The following NLRP1 variants were observed in gnomAD, a reference collection of about 807,000 sequenced individuals.
The protein encoded by NLRP1 is NACHT, LRR and PYD domains-containing protein 1.
NLRP1 carries 94 observed loss-of-function variants against 136.7 expected under a neutral mutation model. That is an observed-to-expected ratio of 0.69 (90% CI 0.58 to 0.82). The LOEUF is 0.82. Ranked by LOEUF, NLRP1 falls within the 40% of genes least tolerant of loss-of-function variation. The pLI is 0.00. For missense variants in NLRP1, 1,575 were observed against 1,802.7 expected (o/e 0.87, Z 2.29); for synonymous variants, 690 against 725.1 (o/e 0.95, Z 0.78).
chr17:5,542,176 G>A, intron 5 of NLRP1, 149 bp from the exon 6 acceptor site: 1 of 657,104 alleles, frequency 1.5e-6, no homozygotes, highest in South Asian at 2.0e-5. Context: ...AAATGCACAT[G>A]GTACTTGGGG....
chr17:5,536,289 C>A (rs1302518974), intron 8 of NLRP1, among the ~76,000 whole-genome samples: 1 of 151,964 alleles, frequency 6.6e-6, no homozygotes, highest in Non-Finnish European at 1.5e-5. Context: ...GCTGAGACTA[C>A]AGGCGTGCGT....
At chr17:5,564,646 C>CA (rs1204291833) in intron 3 of NLRP1, among the ~76,000 whole-genome samples, 1 of 150,760 alleles carries the variant, frequency 6.6e-6, no homozygotes, top group Non-Finnish European at 1.5e-5. Flanking sequence ...AGTGCTGCCA[C>CA]AAACATAGAA....
intron 3 of NLRP1, among the ~76,000 whole-genome samples, chr17:5,570,664 A>C (rs893463292): frequency 7.9e-5 from 12 of 152,132 alleles, no homozygotes; most frequent in Admixed American, 7.9e-4. Flanking sequence ...CCAGACACAT[A>C]AAGAAGAGCT....
Position 5,553,497 on chromosome 17 carries a change from A to C in NLRP1, c.2417T>G (p.Val806Gly). ...YWQILFSVLK[V>G]TRNLKELDLS... ...GTCCAGCTCCTTCAGGTTTCTGGTG[A>C]CCTTGAGGACGGAGAAGAGAATCTG... The change falls in exon 5 of 17, where the codon GTC becomes GGC. Residue 806 changes from valine (V) to glycine (G), a missense_variant. Physicochemically the swap from Val to Gly is moderately radical, Grantham distance 109. Coordinates refer to ENST00000572272, the MANE Select transcript of NLRP1 (RefSeq NM_033004.4). 3 of 1,614,150 alleles carry C rather than the reference A, an allele frequency of 1.9e-6. No homozygotes were observed. The highest frequency in any genetic ancestry group is 2.5e-6 in the Non-Finnish European group (3 of 1,180,018).
rs1911215317 is a variant in NLRP1 at position 5,537,323 on chromosome 17, G to A, written c.2871-383C>T. On this transcript the variant is annotated intron_variant, in intron 7 of 16. Transcript: ENST00000572272. The surrounding 1 kb of genome is among the most constrained non-coding windows in gnomAD (Gnocchi z 4.5). ...GGAAGGAGATGTGGCCTTGGGTGAG[G>A]TGGCTCTCACTGGCAGAGGCTGTCT... is the stretch of plus-strand genomic sequence containing the variant. 6.6e-6 allele frequency among the ~76,000 whole-genome samples: 1 copy of A among 152,202 alleles called. No individual in the cohort carries two copies.
intron 12 of NLRP1, among the ~76,000 whole-genome samples, chr17:5,529,436 T>C (rs372959603): frequency 5.9e-5 from 9 of 151,808 alleles, no homozygotes; most frequent in African/African-American, 1.4e-4. Flanking sequence ...GGTGCGATCT[T>C]GGCTCACTGC....
intron 3 of NLRP1, among the ~76,000 whole-genome samples, chr17:5,572,959 A>AGACAGTGGGTGCAG (rs996601928): frequency 1.1e-4 from 16 of 152,162 alleles, no homozygotes; most frequent in Non-Finnish European, 2.2e-4. Context: ...GGGGCTTGTC[A>AGACAGTGGGTGCAG]GACAGTGGGT....
chr17:5,532,045 C>T (rs1352981545), intron 11 of NLRP1, among the ~76,000 whole-genome samples: 5 of 152,152 alleles, frequency 3.3e-5, no homozygotes, highest in African/African-American at 4.8e-5. Flanking sequence ...GAGTTCGAGA[C>T]CAGCCTGTCC....
downstream of NLRP1, among the ~76,000 whole-genome samples, chr17:5,509,874 G>A (rs995869736): frequency 2.0e-5 from 3 of 152,110 alleles, no homozygotes; most frequent in South Asian, 6.2e-4. Context: ...TAAAGAGAAA[G>A]AAAACTTCAT....
rs773951408 is a variant in NLRP1 at position 5,582,788 on chromosome 17, T to C, written c.330A>G (p.Gln110=). 1.2e-6 allele frequency: 2 copies of C among 1,613,684 alleles called. No homozygotes were observed. Among genetic ancestry groups the C allele is most frequent in the Admixed American group, 3.3e-5 (2 of 59,968 alleles). ...GCATTAGCACTGCGGTGGAGGTGGG[T>C]TGGCTGGGAGACCCCAGGTGGGGTT... ...PSEPHLGSPS[Q]PTSTAVLMPW... The change falls in exon 2 of 17, where the codon CAA becomes CAG. Residue 110 remains glutamine, a synonymous_variant. Coordinates refer to ENST00000572272, the MANE Select transcript of NLRP1 (RefSeq NM_033004.4).
intron 3 of NLRP1, among the ~76,000 whole-genome samples, chr17:5,569,113 G>A (rs1010136905): frequency 3.9e-5 from 6 of 152,068 alleles, no homozygotes; most frequent in Non-Finnish European, 7.4e-5. Context: ...CTTACAAGAG[G>A]TTCTTAAGGG....
At chr17:5,555,922 G>A (rs1913990960) in intron 4 of NLRP1, among the ~76,000 whole-genome samples, 2 of 151,482 alleles carry the variant, frequency 1.3e-5, no homozygotes, top group Admixed American at 6.6e-5. Context: ...GTGAAACCCC[G>A]TTTCTACTAA....
chr17:5,529,947 C>G (rs760748424), intron 12 of NLRP1: 1 of 455,978 alleles, frequency 2.2e-6, no homozygotes, highest in Non-Finnish European at 4.4e-6. Flanking sequence ...TGTGGGAAGT[C>G]TTTGGAGGTG....
intron 5 of NLRP1, among the ~76,000 whole-genome samples, chr17:5,546,932 A>G (rs1252338797): frequency 1.3e-5 from 2 of 152,042 alleles, no homozygotes; most frequent in East Asian, 1.9e-4. Context: ...CTTTCTTTTT[A>G]TGGTGCTACC....
At chr17:5,560,257 T>A (rs1229008295) in intron 3 of NLRP1, among the ~76,000 whole-genome samples, 1 of 152,108 alleles carries the variant, frequency 6.6e-6, no homozygotes, top group African/African-American at 2.4e-5. Context: ...CCTGAATGAC[T>A]TTCCTTCACT....
chr17:5,548,353 G>A (rs1912933748), intron 5 of NLRP1, among the ~76,000 whole-genome samples: 1 of 152,102 alleles, frequency 6.6e-6, no homozygotes, highest in South Asian at 2.1e-4. Context: ...CAGTAAAGGA[G>A]ACATTTCCTC....
chr17:5,553,593 T>C (rs775781777), intron 4 of NLRP1, 37 bp from the exon 5 acceptor site: 1 of 1,591,522 alleles, frequency 6.3e-7, no homozygotes, highest in Non-Finnish European at 8.6e-7. Context: ...AGATGTGATG[T>C]GTCTGGCAGG....
intron 15 of NLRP1, among the ~76,000 whole-genome samples, chr17:5,508,065 C>G (rs552513956): frequency 3.3e-5 from 5 of 151,544 alleles, no homozygotes; most frequent in Non-Finnish European, 7.4e-5. Context: ...ACCATGGAGG[C>G]GGAGGTTGCG....
At chr17:5,525,622 T>C (rs938138146) in intron 12 of NLRP1, among the ~76,000 whole-genome samples, 2 of 152,176 alleles carry the variant, frequency 1.3e-5, no homozygotes, top group African/African-American at 4.8e-5. Context: ...CACATGAAGG[T>C]AGGGCACTAG....
Sources: allele counts gnomAD v4.1 joint callset (sites outside exome capture counted in the v4.1 genomes callset), GRCh38; gene constraint gnomAD v4.1.1; non-coding constraint Gnocchi (gnomAD v3.1); transcripts MANE v1.5; gene names NCBI Gene and HGNC (gene_info 2026-07-23, HGNC 2026-07-21).